Variants in TANC2 observed in about 807,000 individuals in gnomAD.
The protein encoded by TANC2 is protein TANC2.
A neutral mutation model predicts 210.5 loss-of-function variants in TANC2; 26 were observed. The observed-to-expected ratio is 0.12, with a 90% CI of 0.09 to 0.17. The LOEUF is 0.17. TANC2 is among the 10% of genes least tolerant of loss of function. TANC2 has a pLI of 1.00. For synonymous variants in TANC2, 931 were observed against 967.1 expected, an observed-to-expected ratio of 0.96 and a Z score of 0.69; for missense variants, 2,129 against 2,608.9, an observed-to-expected ratio of 0.82 and a Z score of 4.01.
At chr17:63,256,428 C>A (rs2043197194) in intron 8 of TANC2, among the ~76,000 whole-genome samples, 1 of 152,100 alleles carries the variant, frequency 6.6e-6, no homozygotes, top group African/African-American at 2.4e-5. Flanking sequence ...TCTTGTTACT[C>A]ATGTCTAGTT....
intron 13 of TANC2, among the ~76,000 whole-genome samples, chr17:63,352,771 G>T (rs1260821763): frequency 6.6e-6 from 1 of 152,086 alleles, no homozygotes; most frequent in Non-Finnish European, 1.5e-5. Context: ...TAGAAAATGA[G>T]CCTTCATTTA....
intron 5 of TANC2, chr17:63,182,646 A>G (rs1002359956): frequency 6.0e-6 from 1 of 165,498 alleles, no homozygotes; most frequent in African/African-American, 2.4e-5. Context: ...TCTTCTTTTG[A>G]TACACAATTT....
chr17:63,421,813 A>G lies in TANC2; in HGVS notation c.6083A>G (p.Tyr2028Cys). 2 of 1,614,050 alleles carry G rather than the reference A, an allele frequency of 1.2e-6. No individual in the cohort carries two copies. Among genetic ancestry groups the G allele is most frequent in the African/African-American group, 1.3e-5 (1 of 75,060 alleles). The change falls in exon 28 of 28, where the codon TAT (tyrosine) becomes TGT (cysteine). Residue 2028 changes from tyrosine (Y) to cysteine (C), a missense_variant. This residue lies in a region of TANC2 where 161 missense variants were observed against 178.6 expected (regional missense o/e 0.90). Coordinates refer to ENST00000689528, the Ensembl canonical transcript of TANC2. The surrounding 1 kb of genome is among the most constrained non-coding windows in gnomAD (Gnocchi z 6.9). ...GAGCGAGTCAGCCAGGCCTCCTCCTATCCCGACGTGAAGGTAGCTCGGACT... is the reference window on the plus strand; with the variant it reads ...GAGCGAGTCAGCCAGGCCTCCTCCTGTCCCGACGTGAAGGTAGCTCGGACT...
At chr17:63,363,085 T>C (rs2146962491) in intron 14 of TANC2, among the ~76,000 whole-genome samples, 1 of 152,366 alleles carries the variant, frequency 6.6e-6, no homozygotes, top group South Asian at 2.1e-4. Flanking sequence ...TGAGATGATA[T>C]CTCGTGGTAG....
At chr17:63,167,924 A>G (rs1043886302) in intron 5 of TANC2, among the ~76,000 whole-genome samples, 2 of 151,764 alleles carry the variant, frequency 1.3e-5, no homozygotes, top group African/African-American at 4.8e-5. Context: ...AGGAAAGAAA[A>G]AAAGATTTAG....
chr17:63,200,145 C>A (rs996752998), intron 6 of TANC2, among the ~76,000 whole-genome samples: 1 of 151,722 alleles, frequency 6.6e-6, no homozygotes, highest in African/African-American at 2.4e-5. Flanking sequence ...CACCTGAGGT[C>A]AGGAGTTCGA....
chr17:63,357,601 G>A (rs1421625231), intron 14 of TANC2, among the ~76,000 whole-genome samples: 1 of 152,246 alleles, frequency 6.6e-6, no homozygotes, highest in Non-Finnish European at 1.5e-5. Flanking sequence ...TTTCATTTCA[G>A]TTGGAACTCA....
At chr17:63,037,792 G>A (rs865910572) in intron 2 of TANC2, among the ~76,000 whole-genome samples, 4 of 152,034 alleles carry the variant, frequency 2.6e-5, no homozygotes, top group Admixed American at 6.6e-5. Flanking sequence ...CCAGCTGGGC[G>A]GCAGACCGAG....
At chr17:63,151,422 T>C in intron 5 of TANC2, 42 bp downstream of exon 5, 3 of 935,328 alleles carry the variant, frequency 3.2e-6, no homozygotes, top group South Asian at 4.9e-5. Flanking sequence ...AGAGGGAGGA[T>C]TGGATCAGGC....
intron 8 of TANC2, among the ~76,000 whole-genome samples, chr17:63,243,700 C>A (rs2042839654): frequency 6.6e-6 from 1 of 152,132 alleles, no homozygotes; most frequent in Admixed American, 6.6e-5. Context: ...ACTAAGGGAG[C>A]TTTCTGTATC....
At chr17:63,085,472 ACTT>A (rs143073010) in intron 3 of TANC2, among the ~76,000 whole-genome samples, 34,486 of 151,352 alleles carry the variant, frequency 0.23, 4,109 homozygotes, top group South Asian at 0.35. Context: ...TTCTTATATC[ACTT>A]CTTTTTTCAC....
chr17:63,188,300 TAAAAAAAA>T (rs71357050), intron 5 of TANC2, among the ~76,000 whole-genome samples: 1 of 144,008 alleles, frequency 6.9e-6, no homozygotes. Flanking sequence ...CCCCATCTCT[TAAAAAAAA>T]AAAAAAAATC....
chr17:63,320,883 T>C (rs559428824), intron 11 of TANC2, among the ~76,000 whole-genome samples: 1 of 152,324 alleles, frequency 6.6e-6, no homozygotes, highest in East Asian at 1.9e-4. Flanking sequence ...ATTTTCTCTT[T>C]CTACAACTCG....
At chr17:63,183,038 T>A (rs1388191808) in intron 5 of TANC2, among the ~76,000 whole-genome samples, 2 of 151,246 alleles carry the variant, frequency 1.3e-5, no homozygotes, top group African/African-American at 4.9e-5. Flanking sequence ...TGTCTTAAAC[T>A]TTTGAATTTA....
intron 25 of TANC2, among the ~76,000 whole-genome samples, chr17:63,415,090 C>T (rs2048818113): frequency 6.6e-6 from 1 of 152,174 alleles, no homozygotes; most frequent in Admixed American, 6.5e-5. Context: ...GAGGGCTGGC[C>T]AGGTGGAGCG....
chr17:63,213,972 C>T (rs139335355), intron 7 of TANC2, among the ~76,000 whole-genome samples: 264 of 151,592 alleles, frequency 1.7e-3, no homozygotes, highest in African/African-American at 6.1e-3. Flanking sequence ...GGGAAGCAAG[C>T]GTGAAGGAAA....
chr17:63,395,904 T>A, exon 18 of TANC2: 2 of 1,609,984 alleles, frequency 1.2e-6, no homozygotes, highest in Non-Finnish European at 1.7e-6. Context: ...CCCTCATTGC[T>A]GCAGCCAGCA....
At chr17:63,258,597 C>T (rs535179638) in intron 8 of TANC2, among the ~76,000 whole-genome samples, 4 of 152,228 alleles carry the variant, frequency 2.6e-5, no homozygotes, top group African/African-American at 9.6e-5. Flanking sequence ...CACCTTCCAT[C>T]GTGTAGAAGG....
At chr17:63,277,313 G>A (rs189516083) in intron 9 of TANC2, among the ~76,000 whole-genome samples, 39 of 149,222 alleles carry the variant, frequency 2.6e-4, no homozygotes, top group African/African-American at 7.6e-4. Flanking sequence ...TTTAGGTTCC[G>A]GGGTGCGTGT....
Sources: gnomAD v4.1 joint callset for allele counts (sites outside exome capture counted in the v4.1 genomes callset) on GRCh38, gnomAD v4.1.1 for gene constraint, gnomAD v4.1.1 regional missense constraint, Gnocchi (gnomAD v3.1) non-coding constraint, MANE v1.5 for transcripts, NCBI Gene and HGNC (gene_info 2026-07-23, HGNC 2026-07-21) for gene names.